The following MECOM variants were observed in gnomAD, a reference collection of about 807,000 sequenced individuals.
The protein encoded by MECOM is MDS1 and EVI1 complex locus.
MECOM carries 13 observed loss-of-function variants against 116.3 expected under a neutral mutation model. The ratio of observed to expected loss-of-function variants is 0.11; its 90% CI spans 0.07 to 0.18. The LOEUF (loss-of-function observed/expected upper bound fraction) is 0.18. Among genes scored for constraint, MECOM ranks in the 10% least tolerant of loss-of-function variants. The pLI is 1.00. For synonymous variants in MECOM, 528 were observed against 535.2 expected (o/e 0.99, Z 0.19); for missense variants, 1,299 against 1,509.0 (o/e 0.86, Z 2.31).
chr3:169,219,275 G>A (rs1751805423), intron 2 of MECOM, among the ~76,000 whole-genome samples: 2 of 152,206 alleles, frequency 1.3e-5, no homozygotes, highest in South Asian at 4.1e-4. Context: ...GGGAGGCCGA[G>A]GAGGGTGGAT....
At chr3:169,110,919 G>A (rs574369680) in intron 9 of MECOM, among the ~76,000 whole-genome samples, 1 of 152,222 alleles carries the variant, frequency 6.6e-6, no homozygotes, top group South Asian at 2.1e-4. Flanking sequence ...CGAAGCACTG[G>A]ACACATGCCT....
In MECOM at chr3:169,637,997, G is replaced by A. The variant is rs577462680; in HGVS notation, c.37+25339C>T. Reference sequence around the variant, plus strand: ...TGGAATGCAGTAATAAAGAAGCAATGGTAGAGGAAATTCTCATCAAGGATG... The same window carrying A: ...TGGAATGCAGTAATAAAGAAGCAATAGTAGAGGAAATTCTCATCAAGGATG... On this transcript the variant is annotated intron_variant, in intron 1 of 16. Coordinates refer to ENST00000651503, the MANE Select transcript of MECOM (RefSeq NM_004991.4). Among the ~76,000 whole-genome samples the A allele has an allele frequency of 1.6e-4, 25 of 152,270 alleles. No homozygotes were observed. The South Asian group carries it at 5.2e-3, about 32-fold the overall frequency.
intron 2 of MECOM, among the ~76,000 whole-genome samples, chr3:169,182,774 T>C (rs1321292642): frequency 2.0e-5 from 3 of 152,186 alleles, no homozygotes; most frequent in Non-Finnish European, 4.4e-5. Flanking sequence ...CTCAAACAGA[T>C]GATCTTCAGA....
chr3:169,468,547 T>C (rs190476046), intron 1 of MECOM, among the ~76,000 whole-genome samples: 19 of 152,330 alleles, frequency 1.2e-4, no homozygotes, highest in Admixed American at 1.1e-3. Flanking sequence ...AAAATTTTGT[T>C]GAATGAATGA....
intron 1 of MECOM, among the ~76,000 whole-genome samples, chr3:169,548,160 G>C (rs77819261): frequency 0.074 from 11,173 of 151,892 alleles, 883 homozygotes; most frequent in African/African-American, 0.2. Flanking sequence ...CTAATGATTT[G>C]TCTACATATC....
chr3:169,392,526 T>C (rs76857369), intron 1 of MECOM, among the ~76,000 whole-genome samples: 17,215 of 152,054 alleles, frequency 0.11, 1,159 homozygotes, highest in East Asian at 0.23. Context: ...AATACCACGT[T>C]GTGCCTGGAG....
chr3:169,157,893 C>G (rs2149341203), intron 2 of MECOM, among the ~76,000 whole-genome samples: 1 of 152,246 alleles, frequency 6.6e-6, no homozygotes, highest in East Asian at 1.9e-4. Flanking sequence ...AATTTCTCTC[C>G]ACATATAATC....
chr3:169,104,120 A>G (rs1462562352), intron 10 of MECOM, among the ~76,000 whole-genome samples: 1 of 152,184 alleles, frequency 6.6e-6, no homozygotes, highest in Non-Finnish European at 1.5e-5. Context: ...CTCAGCTGCT[A>G]AAACATTCTC....
intron 1 of MECOM, among the ~76,000 whole-genome samples, chr3:169,385,020 C>T (rs1733076360): frequency 6.7e-6 from 1 of 149,012 alleles, no homozygotes; most frequent in Non-Finnish European, 1.5e-5. Context: ...ACAAGAATTG[C>T]TTGAGCCCGG....
chr3:169,283,941 T>C (rs1241493592), intron 2 of MECOM, among the ~76,000 whole-genome samples: 1 of 152,236 alleles, frequency 6.6e-6, no homozygotes, highest in African/African-American at 2.4e-5. Flanking sequence ...AATAGATTTA[T>C]CTGTTACATC....
At chr3:169,515,170 C>T (rs974985156) in intron 1 of MECOM, among the ~76,000 whole-genome samples, 4 of 152,076 alleles carry the variant, frequency 2.6e-5, no homozygotes, top group Non-Finnish European at 5.9e-5. Context: ...CTCCTGTGGT[C>T]CTGCTTGCAG....
chr3:169,163,166 A>G (rs951648985), intron 2 of MECOM, among the ~76,000 whole-genome samples: 1 of 152,192 alleles, frequency 6.6e-6, no homozygotes, highest in African/African-American at 2.4e-5. Flanking sequence ...TTTGTAAGTA[A>G]TTTGGCTAAG....
At chr3:169,315,726 C>T (rs1719624346) in intron 2 of MECOM, among the ~76,000 whole-genome samples, 1 of 152,192 alleles carries the variant, frequency 6.6e-6, no homozygotes, top group South Asian at 2.1e-4. Flanking sequence ...GTTTGCAATT[C>T]CTGTATTCCT....
chr3:169,565,747 G>A (rs1421064511), intron 1 of MECOM, among the ~76,000 whole-genome samples: 2 of 152,176 alleles, frequency 1.3e-5, no homozygotes, highest in Non-Finnish European at 2.9e-5. Context: ...GTTTTAGTGA[G>A]AGAGTTTGAA....
chr3:169,099,313 A>G (rs116656452), intron 12 of MECOM, among the ~76,000 whole-genome samples: 98 of 152,322 alleles, frequency 6.4e-4, no homozygotes, highest in African/African-American at 2.0e-3. Flanking sequence ...TACTCTTGCC[A>G]TAACAAAACA....
At chr3:169,578,878 TA>T (rs1402610840) in intron 1 of MECOM, among the ~76,000 whole-genome samples, 1 of 152,202 alleles carries the variant, frequency 6.6e-6, no homozygotes, top group Non-Finnish European at 1.5e-5. Flanking sequence ...GCATCAATAT[TA>T]ACTTTCAGAT....
chr3:169,594,220 A>G (rs1262393627), intron 1 of MECOM, among the ~76,000 whole-genome samples: 1 of 151,572 alleles, frequency 6.6e-6, no homozygotes, highest in African/African-American at 2.4e-5. Flanking sequence ...CCAAAAAAAC[A>G]ATGCTCTCTT....
At chr3:169,608,352 C>A (rs900650501) in intron 1 of MECOM, among the ~76,000 whole-genome samples, 3 of 152,184 alleles carry the variant, frequency 2.0e-5, no homozygotes, top group Non-Finnish European at 2.9e-5. Context: ...TTTGCAGAAA[C>A]CACCCTCACA....
rs192834536 is a variant in MECOM at position 169,283,830 on chromosome 3, T to A, written c.375+97357A>T. On this transcript the variant is annotated intron_variant, in intron 2 of 16. Coordinates refer to ENST00000651503, the MANE Select transcript of MECOM (RefSeq NM_004991.4). ...GCCTTTGTTCAAAATCACCTGTATT[T>A]TTTTTCTGGCAAATGGCTTCTACTG... is the stretch of plus-strand genomic sequence containing the variant. Among the ~76,000 whole-genome samples, 239 of 152,334 alleles carry A rather than the reference T, an allele frequency of 1.6e-3. 2 individuals are homozygous for A. Among genetic ancestry groups the A allele is most frequent in the African/African-American group, 5.4e-3 (224 of 41,590 alleles).
Sources: gnomAD v4.1 joint callset for allele counts (sites outside exome capture counted in the v4.1 genomes callset) on GRCh38, gnomAD v4.1.1 for gene constraint, MANE v1.5 for transcripts, NCBI Gene and HGNC (gene_info 2026-07-23, HGNC 2026-07-21) for gene names.